Variants in PRIM2 observed in about 807,000 individuals in gnomAD.
The protein encoded by PRIM2 is DNA primase large subunit.
PRIM2 carries 39 observed loss-of-function variants against 67.3 expected under a neutral mutation model. That is an observed-to-expected ratio of 0.58 (90% confidence interval 0.45 to 0.76). The LOEUF (loss-of-function observed/expected upper bound fraction) is 0.76. Ranked by LOEUF, PRIM2 falls within the 30% of genes least tolerant of loss-of-function variation. The pLI is 0.00. For missense variants in PRIM2, 398 were observed against 598.7 expected (o/e 0.66, Z 3.50); for synonymous variants, 143 against 198.7 (o/e 0.72, Z 2.36).
At chr6:57,587,301 C>T (rs1470408487) in intron 10 of PRIM2, among the ~76,000 whole-genome samples, 1 of 152,028 alleles carries the variant, frequency 6.6e-6, no homozygotes, top group East Asian at 1.9e-4. Flanking sequence ...GCATAACAGT[C>T]CAGGTGTATT....
In PRIM2 at chr6:57,427,517, C is replaced by T. The variant is rs530801205; in HGVS notation, c.693+45349C>T. ...TATTTTAGTGAGGACGGAGTTTCAC[C>T]ATGTTGGCCAGGCTGGTCTCGAACT... On this transcript the variant is annotated intron_variant, in intron 7 of 13. Coordinates refer to ENST00000615550, the MANE Select transcript of PRIM2 (RefSeq NM_000947.5). Among the ~76,000 whole-genome samples, 28 of 152,216 alleles carry T rather than the reference C, an allele frequency of 1.8e-4. No individual in the cohort carries two copies. The East Asian group carries it at 4.4e-3, about 24-fold the overall frequency.
chr6:57,562,565 C>G (rs1775658635), intron 10 of PRIM2, among the ~76,000 whole-genome samples: 1 of 152,110 alleles, frequency 6.6e-6, no homozygotes, highest in African/African-American at 2.4e-5. Context: ...CCCAGATATC[C>G]AAGTGCCTGC....
chr6:57,445,930 C>T (rs543472330), intron 7 of PRIM2, among the ~76,000 whole-genome samples: 69 of 152,332 alleles, frequency 4.5e-4, no homozygotes, highest in African/African-American at 1.7e-3. Context: ...CTCCCAGCAG[C>T]CTGACACACC....
chr6:57,542,648 A>T (rs1775187452), intron 10 of PRIM2, among the ~76,000 whole-genome samples: 1 of 152,022 alleles, frequency 6.6e-6, no homozygotes, highest in African/African-American at 2.4e-5. Flanking sequence ...CTATATTTTT[A>T]TTAGCTTATT....
In PRIM2 at chr6:57,520,416, A is replaced by G. The variant is rs1774586160; in HGVS notation, c.762-11995A>G. Among the ~76,000 whole-genome samples the G allele has an allele frequency of 7.2e-5, 11 of 152,314 alleles. No homozygotes were observed. The South Asian group carries it at 2.3e-3, about 32-fold the overall frequency. On this transcript the variant is annotated intron_variant, in intron 8 of 13. Coordinates refer to ENST00000615550, the MANE Select transcript of PRIM2 (RefSeq NM_000947.5). ...TATGAATCCTTTCTTTACTGTAGTC[A>G]TTTGACTATCCTGGACCCAACCCAA...
chr6:57,487,448 C>T (rs1472758661), intron 7 of PRIM2, among the ~76,000 whole-genome samples: 8 of 152,324 alleles, frequency 5.3e-5, no homozygotes, highest in African/African-American at 1.9e-4. Flanking sequence ...AGGCTGGTCT[C>T]AAGCTCCTTG....
At chr6:57,269,467 T>G in the PRIM2 span, among the ~76,000 whole-genome samples, 1 of 152,208 alleles carries the variant, frequency 6.6e-6, no homozygotes, top group Admixed American at 6.5e-5. Flanking sequence ...CTTTGCCCAC[T>G]TTTTGATGGG....
intron 7 of PRIM2, among the ~76,000 whole-genome samples, chr6:57,466,962 A>G (rs1773213376): frequency 6.6e-6 from 1 of 152,158 alleles, no homozygotes; most frequent in Non-Finnish European, 1.5e-5. Context: ...TCTACCTAAA[A>G]TACAAAATTA....
At chr6:57,280,293 A>G in the PRIM2 span, among the ~76,000 whole-genome samples, 1 of 152,138 alleles carries the variant, frequency 6.6e-6, no homozygotes, top group Non-Finnish European at 1.5e-5. Flanking sequence ...TTTGGTATAT[A>G]TCTTTTTATA....
chr6:57,411,501 AGAC>A (rs1226907126), intron 7 of PRIM2, among the ~76,000 whole-genome samples: 1 of 151,102 alleles, frequency 6.6e-6, no homozygotes, highest in Non-Finnish European at 1.5e-5. Flanking sequence ...CTGAGCCTGG[AGAC>A]GTCGAGGTTG....
chr6:57,287,688 A>G, the PRIM2 span, among the ~76,000 whole-genome samples: 5 of 152,184 alleles, frequency 3.3e-5, no homozygotes, highest in East Asian at 9.6e-4. Context: ...TGACGGGTTG[A>G]TAGGTGCAGG....
chr6:57,315,922 G>GTAGGTGT (rs1204834568), upstream of PRIM2, among the ~76,000 whole-genome samples: 1 of 152,022 alleles, frequency 6.6e-6, no homozygotes, highest in Non-Finnish European at 1.5e-5. Flanking sequence ...CAGTTTATAT[G>GTAGGTGT]CTTTCAGGTG....
the PRIM2 span, among the ~76,000 whole-genome samples, chr6:57,259,022 G>A: frequency 6.6e-6 from 1 of 152,144 alleles, no homozygotes; most frequent in Non-Finnish European, 1.5e-5. Flanking sequence ...GTGCTTCTAA[G>A]TTCCCATGTA....
the PRIM2 span, among the ~76,000 whole-genome samples, chr6:57,281,420 T>G: frequency 6.6e-6 from 1 of 152,198 alleles, no homozygotes; most frequent in South Asian, 2.1e-4. Flanking sequence ...CCACCAACAG[T>G]GTATGAGGGT....
At chr6:57,399,750 G>C (rs1053743493) in intron 7 of PRIM2, among the ~76,000 whole-genome samples, 6 of 151,562 alleles carry the variant, frequency 4.0e-5, no homozygotes, top group African/African-American at 1.5e-4. Context: ...GTGTGAGATG[G>C]TATCTCATTG....
At chr6:57,562,487 A>T in intron 10 of PRIM2, among the ~76,000 whole-genome samples, 1 of 152,310 alleles carries the variant, frequency 6.6e-6, no homozygotes, top group East Asian at 1.9e-4. Context: ...TTATGGCTTC[A>T]CATAGATCTA....
chr6:57,594,768 G>A (rs1776337137), intron 10 of PRIM2, among the ~76,000 whole-genome samples: 1 of 152,024 alleles, frequency 6.6e-6, no homozygotes, highest in Non-Finnish European at 1.5e-5. Context: ...GACACAGAGA[G>A]CACTACCATT....
intron 10 of PRIM2, among the ~76,000 whole-genome samples, chr6:57,585,969 G>A (rs1421584714): frequency 1.3e-5 from 2 of 152,158 alleles, no homozygotes; most frequent in African/African-American, 4.8e-5. Flanking sequence ...AGTTCGTGTA[G>A]CTGTTCTTTC....
chr6:57,414,742 T>A (rs1431677614), intron 7 of PRIM2, among the ~76,000 whole-genome samples: 1 of 152,160 alleles, frequency 6.6e-6, no homozygotes, highest in Admixed American at 6.5e-5. Flanking sequence ...ATTGGATATT[T>A]CTGACACAGC....
Sources: gnomAD v4.1 joint callset for allele counts (sites outside exome capture counted in the v4.1 genomes callset) on GRCh38, gnomAD v4.1.1 for gene constraint, MANE v1.5 for transcripts, NCBI Gene and HGNC (gene_info 2026-07-23, HGNC 2026-07-21) for gene names.